The following SNX29 variants were observed in gnomAD, a reference collection of about 807,000 sequenced individuals.
SNX29 encodes sorting nexin 29.
A neutral mutation model predicts 102.1 loss-of-function variants in SNX29; 78 were observed. The observed-to-expected ratio is 0.76, with a 90% CI of 0.64 to 0.92. SNX29 has a LOEUF of 0.92. Among genes scored for constraint, SNX29 ranks in the 40% least tolerant of loss-of-function variants. The pLI, the probability that SNX29 is intolerant of heterozygous loss-of-function variation, is 0.00. For synonymous variants in SNX29, 580 were observed against 414.5 expected, an observed-to-expected ratio of 1.40 and a Z score of -4.85; for missense variants, 1,280 against 1,061.7, an observed-to-expected ratio of 1.21 and a Z score of -2.86.
chr16:12,497,121 C>A (rs1265429634), intron 19 of SNX29, among the ~76,000 whole-genome samples: 1 of 152,208 alleles, frequency 6.6e-6, no homozygotes, highest in Non-Finnish European at 1.5e-5. Context: ...GGACCAATGA[C>A]TTCAGAGGAC....
chr16:12,546,504 C>G lies in SNX29; in HGVS notation c.2318+21663C>G, dbSNP rs917930791. 2.0e-5 allele frequency: 3 copies of G among 152,182 alleles called. No homozygotes were observed. The East Asian group carries it at 5.8e-4, about 29-fold the overall frequency. 9.4% of individuals were successfully genotyped at this position (152,182 alleles called of 1,614,324 possible). A position where few individuals can be genotyped will look rare whatever the true frequency, so the allele number is the denominator to read the frequency against. ...AAGAACAGCACAGGAAAGACTCGCC[C>G]CTGTGATTCAATTATCTCCCAATGG... is the stretch of plus-strand genomic sequence containing the variant. On this transcript the variant is annotated intron_variant, in intron 20 of 20. Coordinates refer to ENST00000566228, the MANE Select transcript of SNX29 (RefSeq NM_032167.5).
chr16:12,351,848 CTGAT>C (rs1567467731), intron 15 of SNX29, among the ~76,000 whole-genome samples: 1 of 152,118 alleles, frequency 6.6e-6, no homozygotes, highest in Non-Finnish European at 1.5e-5. Context: ...GGGCAACACA[CTGAT>C]TGGTTATGAC....
At chr16:12,092,440 C>A (rs779556602) in intron 11 of SNX29, among the ~76,000 whole-genome samples, 40 of 152,184 alleles carry the variant, frequency 2.6e-4, no homozygotes, top group Non-Finnish European at 4.7e-4. Flanking sequence ...GTCTCTATCT[C>A]GGGATGCAGT....
intron 18 of SNX29, among the ~76,000 whole-genome samples, chr16:12,473,805 T>C (rs942782889): frequency 6.6e-6 from 1 of 152,160 alleles, no homozygotes; most frequent in Non-Finnish European, 1.5e-5. Flanking sequence ...CGTGGCAGTT[T>C]GTAAATGCCA....
chr16:12,171,478 A>C (rs2141753699), intron 13 of SNX29, among the ~76,000 whole-genome samples: 1 of 152,268 alleles, frequency 6.6e-6, no homozygotes, highest in African/African-American at 2.4e-5. Context: ...TGTGCTTCAG[A>C]GGGAGGGCTC....
chr16:12,554,297 T>A (rs532557729), intron 20 of SNX29, among the ~76,000 whole-genome samples: 1 of 152,352 alleles, frequency 6.6e-6, no homozygotes, highest in East Asian at 1.9e-4. Flanking sequence ...TTGCTTCATA[T>A]GAGGTTTCAG....
intron 18 of SNX29, among the ~76,000 whole-genome samples, chr16:12,413,556 G>C (rs2084493549): frequency 7.0e-6 from 1 of 142,846 alleles, no homozygotes; most frequent in Non-Finnish European, 1.6e-5. Flanking sequence ...ACACAGAGGA[G>C]TGGCTCTGTG....
At chr16:12,499,912 A>G (rs2089026517) in intron 19 of SNX29, among the ~76,000 whole-genome samples, 1 of 152,178 alleles carries the variant, frequency 6.6e-6, no homozygotes, top group Non-Finnish European at 1.5e-5. Flanking sequence ...CCTGGGCTCA[A>G]GGGATCCACC....
intron 20 of SNX29, among the ~76,000 whole-genome samples, chr16:12,568,026 A>G (rs2141564358): frequency 6.6e-6 from 1 of 152,258 alleles, no homozygotes; most frequent in Admixed American, 6.5e-5. Context: ...CAACCTTTTA[A>G]CTAGCCCCTA....
chr16:12,364,362 A>G (rs1236305550), intron 16 of SNX29, among the ~76,000 whole-genome samples: 1 of 150,890 alleles, frequency 6.6e-6, no homozygotes, highest in Admixed American at 6.6e-5. Flanking sequence ...TTAAGCTAAG[A>G]CACTTTTAAG....
intron 18 of SNX29, among the ~76,000 whole-genome samples, chr16:12,436,079 C>T (rs945147199): frequency 8.5e-5 from 13 of 152,152 alleles, no homozygotes; most frequent in African/African-American, 2.2e-4. Flanking sequence ...ATTGGGGCGC[C>T]GCACACACCG....
chr16:12,085,550 C>T (rs571215391), intron 11 of SNX29, among the ~76,000 whole-genome samples: 3 of 152,360 alleles, frequency 2.0e-5, no homozygotes, highest in African/African-American at 7.2e-5. Context: ...TGGTCTCAAA[C>T]TCCTGACTTC....
chr16:12,086,073 G>A (rs1241766793), intron 11 of SNX29, among the ~76,000 whole-genome samples: 1 of 147,652 alleles, frequency 6.8e-6, no homozygotes, highest in Non-Finnish European at 1.5e-5. Flanking sequence ...GCGTGATCTC[G>A]GCTCAGTGCA....
At chr16:12,190,411 A>C (rs1214279833) in intron 13 of SNX29, among the ~76,000 whole-genome samples, 1 of 152,224 alleles carries the variant, frequency 6.6e-6, no homozygotes, top group Non-Finnish European at 1.5e-5. Context: ...GGGGTATTAA[A>C]GTATGAGACT....
intron 18 of SNX29, among the ~76,000 whole-genome samples, chr16:12,466,775 G>C (rs971625272): frequency 1.3e-5 from 2 of 152,208 alleles, no homozygotes; most frequent in Non-Finnish European, 2.9e-5. Context: ...CATAGCAGTT[G>C]GCTGCCTGGG....
intron 11 of SNX29, among the ~76,000 whole-genome samples, chr16:12,122,827 T>A (rs557836041): frequency 2.0e-4 from 31 of 152,118 alleles, no homozygotes; most frequent in South Asian, 6.2e-4. Flanking sequence ...ATTAATAATT[T>A]AAAAAAAATT....
At chr16:12,329,497 G>T (rs931380761) in intron 15 of SNX29, among the ~76,000 whole-genome samples, 1 of 152,118 alleles carries the variant, frequency 6.6e-6, no homozygotes, top group Non-Finnish European at 1.5e-5. Context: ...GACCAGTGTT[G>T]TCTGGTAAAG....
intron 2 of SNX29, among the ~76,000 whole-genome samples, chr16:11,999,829 A>G (rs1434475834): frequency 6.6e-6 from 1 of 151,886 alleles, no homozygotes; most frequent in African/African-American, 2.4e-5. Context: ...TGAACCTGGT[A>G]GGTGGTAGTT....
intron 3 of SNX29, among the ~76,000 whole-genome samples, chr16:12,013,500 A>AAAAAAAAAAT: frequency 1.3e-3 from 40 of 31,612 alleles, no homozygotes; most frequent in Non-Finnish European, 1.6e-3. Flanking sequence ...AAAAAAAAAA[A>AAAAAAAAAAT]ATATATATAT....
Sources: gnomAD v4.1 joint callset for allele counts (sites outside exome capture counted in the v4.1 genomes callset) on GRCh38, gnomAD v4.1.1 for gene constraint, MANE v1.5 for transcripts, NCBI Gene and HGNC (gene_info 2026-07-23, HGNC 2026-07-21) for gene names.